Variants in KCNC2 observed in about 807,000 individuals in gnomAD.
KCNC2 encodes the protein potassium voltage-gated channel subfamily C member 2, also known as voltage-gated potassium channel KCNC2.
In KCNC2, 21 loss-of-function variants were observed where a neutral mutation model predicts 44.5. That is an observed-to-expected ratio of 0.47 (90% CI 0.33 to 0.68). The LOEUF is 0.68. KCNC2 is among the 30% of genes least tolerant of loss of function. The pLI is 0.01. For synonymous variants in KCNC2, 391 were observed against 339.1 expected (o/e 1.15, Z -1.68); for missense variants, 589 against 826.2 (o/e 0.71, Z 3.52).
chr12:75,138,882 GAGTC>G (rs1460925502), intron 2 of KCNC2, among the ~76,000 whole-genome samples: 2 of 150,712 alleles, frequency 1.3e-5, no homozygotes, highest in Non-Finnish European at 1.5e-5. Context: ...TCGGGAGGCT[GAGTC>G]AGGAGAATGG....
chr12:75,197,743 C>T (rs958535188), intron 2 of KCNC2, among the ~76,000 whole-genome samples: 1 of 151,820 alleles, frequency 6.6e-6, no homozygotes, highest in Non-Finnish European at 1.5e-5. Flanking sequence ...CAAATCCTGA[C>T]AACAACATGC....
chr12:75,154,853 A>G (rs1890648151), intron 2 of KCNC2, among the ~76,000 whole-genome samples: 1 of 152,052 alleles, frequency 6.6e-6, no homozygotes, highest in African/African-American at 2.4e-5. Context: ...GCTTTCTACA[A>G]TAGTTACAAC....
intron 4 of KCNC2, among the ~76,000 whole-genome samples, chr12:75,047,913 A>T (rs1880708684): frequency 6.6e-6 from 1 of 152,090 alleles, no homozygotes; most frequent in Admixed American, 6.6e-5. Context: ...CTGCCCATAG[A>T]CAAATGGCAA....
Position 75,207,763 on chromosome 12 carries a change from G to A in KCNC2, c.221C>T (p.Pro74Leu), listed in dbSNP as rs1348292662. 6 of 1,572,770 alleles carry A rather than the reference G, an allele frequency of 3.8e-6. No homozygotes were observed. The highest frequency in any genetic ancestry group is 2.3e-5 in the East Asian group (1 of 42,854). Residue 74 changes from proline to leucine, a missense_variant, in exon 2 of 5, where the codon CCA (proline) becomes CTA (leucine). This residue lies in a region of KCNC2 where 148 missense variants were observed against 140.1 expected (regional missense o/e 1.06). Transcript: ENST00000549446. This position sits in a 1 kb window ranked among gnomAD's most constrained non-coding sequence, Gnocchi z 4.1. The stretch of plus-strand genomic sequence containing the variant: ...CGCGCCGCCCTCGAAGCAGCCGCCT[G>A]GCCCGGGGGACAGCGGGGGCGCTCT... The part of the protein sequence containing the change: ...PPRAPPLSPG[P>L]GGCFEGGAGN...
intron 2 of KCNC2, among the ~76,000 whole-genome samples, chr12:75,200,812 C>G (rs568406281): frequency 1.3e-5 from 2 of 151,518 alleles, no homozygotes; most frequent in Admixed American, 6.6e-5. Context: ...TACGTTTATT[C>G]TAATAGAATG....
intron 2 of KCNC2, among the ~76,000 whole-genome samples, chr12:75,107,937 A>G (rs370606206): frequency 1.3e-5 from 2 of 152,352 alleles, no homozygotes; most frequent in East Asian, 3.9e-4. Flanking sequence ...TATTCACATT[A>G]TAAAAGACTT....
In KCNC2 at chr12:75,209,272, C is replaced by G. The variant is rs921266945; in HGVS notation, c.-85G>C. On this transcript the variant is annotated 5_prime_UTR_variant, in exon 1 of 5. Transcript: ENST00000549446. ...CGAGTGGACGAGGTTCTCTGGGCAG[C>G]GGGACTGAGTCTTGGCGCCCAGGTG... The G allele has an allele frequency of 1.3e-5, 2 of 152,202 alleles. No homozygotes were observed. Among genetic ancestry groups the G allele is most frequent in the African/African-American group, 4.8e-5 (2 of 41,412 alleles). 9.4% of individuals were successfully genotyped at this position (152,202 alleles called of 1,614,324 possible). A position where few individuals can be genotyped will look rare whatever the true frequency, so the allele number is the denominator to read the frequency against.
chr12:75,076,847 T>G (rs1037399193), intron 2 of KCNC2, among the ~76,000 whole-genome samples: 1 of 152,222 alleles, frequency 6.6e-6, no homozygotes, highest in Non-Finnish European at 1.5e-5. Context: ...GAATTATTAA[T>G]TGGGTGTTAA....
chr12:75,047,910 T>C (rs1592753465), intron 4 of KCNC2, among the ~76,000 whole-genome samples: 1 of 151,984 alleles, frequency 6.6e-6, no homozygotes, highest in African/African-American at 2.4e-5. Flanking sequence ...ATTCTGCCCA[T>C]AGACAAATGG....
intron 1 of KCNC2, among the ~76,000 whole-genome samples, chr12:75,208,679 T>C (rs1294145707): frequency 5.4e-5 from 8 of 148,760 alleles, no homozygotes; most frequent in Non-Finnish European, 8.9e-5. Context: ...GAGCAACCTG[T>C]TCTAGGATCA....
At position 75,114,695 on chromosome 12, in the gene KCNC2, T is replaced by C. The variant is rs184101766; in HGVS notation, c.688-63378A>G. Among the ~76,000 whole-genome samples, 74 of 152,192 alleles carry C rather than the reference T, an allele frequency of 4.9e-4. 3 individuals carry two copies. Among genetic ancestry groups the C allele is most frequent in the Admixed American group, 4.2e-3 (64 of 15,298 alleles). On this transcript the variant is annotated intron_variant, in intron 2 of 4. Coordinates refer to ENST00000549446, the MANE Select transcript of KCNC2 (RefSeq NM_139137.4). ...TTCCTCCACACATGTGCAAAGGACCTGGGGTCCTCACTGAGGTTCACAAAT... is the reference window on the plus strand; with the variant it reads ...TTCCTCCACACATGTGCAAAGGACCCGGGGTCCTCACTGAGGTTCACAAAT...
chr12:75,135,999 T>G (rs1255096792), intron 2 of KCNC2, among the ~76,000 whole-genome samples: 1 of 151,956 alleles, frequency 6.6e-6, no homozygotes, highest in Admixed American at 6.6e-5. Flanking sequence ...CAGAGAAAAA[T>G]TTCCCTCCAC....
chr12:75,200,767 A>G (rs1384675785), intron 2 of KCNC2, among the ~76,000 whole-genome samples: 1 of 151,812 alleles, frequency 6.6e-6, no homozygotes, highest in African/African-American at 2.4e-5. Context: ...ATATAATTTT[A>G]ACTTATGAAG....
intron 2 of KCNC2, among the ~76,000 whole-genome samples, chr12:75,143,763 C>T (rs768051081): frequency 6.6e-6 from 1 of 152,122 alleles, no homozygotes; most frequent in Non-Finnish European, 1.5e-5. Context: ...TTGTATTTTT[C>T]ACCATGACAT....
rs372871614 is a variant in KCNC2, at chr12:75,165,358, G to A, written c.687+41939C>T. On this transcript the variant is annotated intron_variant, in intron 2 of 4. Transcript: ENST00000549446. ...AAGAAATATGCTGTCCCTCAACTCC[G>A]CTCTTACTAATCCAAAACATTCTAT... Among the ~76,000 whole-genome samples, 126 of 151,386 alleles carry A rather than the reference G, an allele frequency of 8.3e-4. No individual in the cohort carries two copies. The South Asian group carries it at 0.024, about 28-fold the overall frequency.
chr12:75,159,533 T>G (rs1003478872), intron 2 of KCNC2, among the ~76,000 whole-genome samples: 1 of 151,800 alleles, frequency 6.6e-6, no homozygotes, highest in Non-Finnish European at 1.5e-5. Flanking sequence ...GTGGGGGAAA[T>G]GCAGTAAGAA....
intron 2 of KCNC2, among the ~76,000 whole-genome samples, chr12:75,188,228 A>T (rs1372602055): frequency 6.6e-6 from 1 of 152,204 alleles, no homozygotes; most frequent in Non-Finnish European, 1.5e-5. Flanking sequence ...AAAAATTAGA[A>T]TTAGAGTTAC....
At chr12:75,100,964 A>G (rs1003508681) in intron 2 of KCNC2, among the ~76,000 whole-genome samples, 1 of 152,086 alleles carries the variant, frequency 6.6e-6, no homozygotes, top group Non-Finnish European at 1.5e-5. Context: ...CAGTGAAAGA[A>G]ATTACATTTG....
At chr12:75,075,460 T>TATATATATATATATATATATATACAC (rs1883853386) in intron 2 of KCNC2, among the ~76,000 whole-genome samples, 2 of 1,680 alleles carry the variant, frequency 1.2e-3, no homozygotes, top group African/African-American at 2.7e-3. Context: ...TATATATACA[T>TATATATATATATATATATATATACAC]ATATATATAT....
Sources: gnomAD v4.1 joint callset for allele counts (sites outside exome capture counted in the v4.1 genomes callset) on GRCh38, gnomAD v4.1.1 for gene constraint, gnomAD v4.1.1 regional missense constraint, Gnocchi (gnomAD v3.1) non-coding constraint, MANE v1.5 for transcripts, NCBI Gene and HGNC (gene_info 2026-07-23, HGNC 2026-07-21) for gene names.